LRGUK: variants seen among roughly 807,000 people sequenced by gnomAD.
LRGUK encodes leucine-rich repeat and guanylate kinase domain-containing protein.
Under a neutral mutation model 76.0 loss-of-function variants are expected in LRGUK, and 65 were observed. That is an observed-to-expected ratio of 0.85 (90% confidence interval 0.70 to 1.05). LRGUK has a LOEUF of 1.05. LRGUK is among the 50% of genes least tolerant of loss of function. The pLI is 0.00. For synonymous variants in LRGUK, 268 were observed against 265.6 expected, an observed-to-expected ratio of 1.01 and a Z score of -0.09; for missense variants, 758 against 732.8, an observed-to-expected ratio of 1.03 and a Z score of -0.40.
chr7:134,267,643 A>G (rs554133964), downstream of LRGUK, among the ~76,000 whole-genome samples: 3 of 152,166 alleles, frequency 2.0e-5, no homozygotes, highest in Non-Finnish European at 4.4e-5. Context: ...GCCTGCTGCC[A>G]TGTAAGACGT....
At chr7:134,148,443 C>T in intron 5 of LRGUK, 124 bp downstream of exon 5, 2 of 615,958 alleles carry the variant, frequency 3.2e-6, no homozygotes, top group Non-Finnish European at 5.6e-6. Context: ...AGAGACGTGA[C>T]TTATTTAAAG....
intron 15 of LRGUK, among the ~76,000 whole-genome samples, chr7:134,219,507 A>T (rs1356301707): frequency 6.6e-6 from 1 of 152,194 alleles, no homozygotes; most frequent in Non-Finnish European, 1.5e-5. Context: ...ATTATGTAGG[A>T]TCTATTCTAT....
chr7:134,147,049 A>G (rs1798001669), intron 4 of LRGUK, among the ~76,000 whole-genome samples: 1 of 152,174 alleles, frequency 6.6e-6, no homozygotes, highest in Non-Finnish European at 1.5e-5. Context: ...GAAGTTGCTG[A>G]AAAAGCTTTC....
chr7:134,249,086 G>A lies in LRGUK; in HGVS notation c.2198+10G>A. On this transcript the variant is annotated intron_variant, in intron 18 of 19. Transcript: ENST00000285928. Reference sequence around the variant, plus strand: ...CATATCCTGAAAAGAGGTGAGTTGAGGTGTTTTGTTGGATGGAATTGGCTA... The same window carrying A: ...CATATCCTGAAAAGAGGTGAGTTGAAGTGTTTTGTTGGATGGAATTGGCTA... The A allele has an allele frequency of 6.4e-7, 1 of 1,560,400 alleles. No individual in the cohort carries two copies. Among genetic ancestry groups the A allele is most frequent in the Non-Finnish European group, 8.7e-7 (1 of 1,152,492 alleles).
chr7:134,214,642 A>G (rs947051691), downstream of LRGUK, among the ~76,000 whole-genome samples: 1 of 152,180 alleles, frequency 6.6e-6, no homozygotes, highest in Non-Finnish European at 1.5e-5. Flanking sequence ...TAGAGCCAGT[A>G]TGGCTCTAGT....
At chr7:134,273,230 A>G in the LRGUK span, among the ~76,000 whole-genome samples, 3,900 of 152,182 alleles carry the variant, frequency 0.026, 111 homozygotes, top group African/African-American at 0.066. Flanking sequence ...AGGGGAAGAC[A>G]TATTGGGATG....
chr7:134,249,481 G>A (rs571549118), intron 18 of LRGUK, among the ~76,000 whole-genome samples: 10 of 152,148 alleles, frequency 6.6e-5, no homozygotes, highest in African/African-American at 2.2e-4. Context: ...CTTTGTTCCC[G>A]CCTCATTTTA....
chr7:134,263,807 C>A, intron 19 of LRGUK, 38 bp from the exon 20 acceptor site: 3 of 1,565,146 alleles, frequency 1.9e-6, no homozygotes, highest in African/African-American at 1.4e-5. Context: ...ACCAAGAAAC[C>A]AAGGGATTAA....
At chr7:134,193,404 C>T (rs780282112) in intron 12 of LRGUK, among the ~76,000 whole-genome samples, 6 of 152,218 alleles carry the variant, frequency 3.9e-5, no homozygotes, top group South Asian at 2.1e-4. Context: ...TTTTTTCTCA[C>T]GTCAGTTCAT....
chr7:134,174,424 A>T, intron 7 of LRGUK, 132 bp from the exon 8 acceptor site: 1 of 622,482 alleles, frequency 1.6e-6, no homozygotes, highest in Non-Finnish European at 2.9e-6. Flanking sequence ...TGGAATTCTC[A>T]TTAAAAAGCT....
At chr7:134,197,943 A>C (rs541666374) in intron 13 of LRGUK, among the ~76,000 whole-genome samples, 1 of 152,250 alleles carries the variant, frequency 6.6e-6, no homozygotes, top group Non-Finnish European at 1.5e-5. Context: ...AACTAATTCA[A>C]TTAGATCAAA....
At chr7:134,150,861 G>T (rs1367206474) in intron 5 of LRGUK, among the ~76,000 whole-genome samples, 1 of 146,916 alleles carries the variant, frequency 6.8e-6, no homozygotes, top group African/African-American at 2.5e-5. Flanking sequence ...TAGCAATTGA[G>T]TCATCACTAA....
intron 1 of LRGUK, among the ~76,000 whole-genome samples, chr7:134,128,823 T>C (rs1199419101): frequency 1.3e-5 from 2 of 152,214 alleles, no homozygotes; most frequent in Admixed American, 6.5e-5. Flanking sequence ...GTGCTGGGAT[T>C]ACAGGCGTGA....
Position 134,178,617 on chromosome 7 carries a change from T to C in LRGUK, c.1214+8T>C, listed in dbSNP as rs1190326982. On this transcript the variant is annotated splice_region_variant and intron_variant, in intron 10 of 15. Transcript: ENST00000645682. ...GCAGAGGATCTTTGACAGGTACTTA[T>C]TAGAAATCCAAAGGCCGGAATTCAG... 1 of 1,607,980 alleles carries C rather than the reference T, an allele frequency of 6.2e-7. No homozygotes were observed. Among genetic ancestry groups the C allele is most frequent in the Non-Finnish European group, 8.5e-7 (1 of 1,176,664 alleles).
chr7:134,154,339 G>A (rs1302229519), intron 5 of LRGUK, among the ~76,000 whole-genome samples: 3 of 152,180 alleles, frequency 2.0e-5, no homozygotes, highest in South Asian at 4.1e-4. Context: ...AATGTTAGGA[G>A]GAAGGGCAAG....
At chr7:134,130,775 A>G (rs1797268448) in intron 1 of LRGUK, among the ~76,000 whole-genome samples, 1 of 152,210 alleles carries the variant, frequency 6.6e-6, no homozygotes, top group Non-Finnish European at 1.5e-5. Flanking sequence ...GGGAGGCAGT[A>G]TGGACCACCT....
chr7:134,176,337 TA>T (rs947665185), intron 8 of LRGUK, among the ~76,000 whole-genome samples: 6 of 152,150 alleles, frequency 3.9e-5, no homozygotes, highest in Non-Finnish European at 7.4e-5. Context: ...CTTACCTATG[TA>T]AGAAACCTGC....
chr7:134,139,065 T>C (rs766100138), intron 2 of LRGUK, among the ~76,000 whole-genome samples: 5 of 152,190 alleles, frequency 3.3e-5, no homozygotes, highest in Non-Finnish European at 7.4e-5. Context: ...TTCATTTAAA[T>C]TCTAGACATT....
At chr7:134,196,276 A>G (rs1374253441) in intron 12 of LRGUK, among the ~76,000 whole-genome samples, 3 of 152,230 alleles carry the variant, frequency 2.0e-5, no homozygotes, top group Non-Finnish European at 2.9e-5. Flanking sequence ...GACAATTTTA[A>G]GAGACATCTT....
Sources: gnomAD v4.1 joint callset for allele counts (sites outside exome capture counted in the v4.1 genomes callset) on GRCh38, gnomAD v4.1.1 for gene constraint, MANE v1.5 for transcripts, NCBI Gene and HGNC (gene_info 2026-07-23, HGNC 2026-07-21) for gene names.